RNF220: variants seen among roughly 807,000 people sequenced by gnomAD.
The protein encoded by RNF220 is E3 ubiquitin-protein ligase RNF220.
In RNF220, 7 loss-of-function variants were observed where a neutral mutation model predicts 67.1. The ratio of observed to expected loss-of-function variants is 0.10; its 90% CI spans 0.06 to 0.20. RNF220 has a LOEUF of 0.20. Among genes scored for constraint, RNF220 ranks in the 10% least tolerant of loss-of-function variants. The pLI, the probability that RNF220 is intolerant of heterozygous loss-of-function variation, is 1.00. For missense variants in RNF220, 565 were observed against 740.3 expected, an observed-to-expected ratio of 0.76 and a Z score of 2.75; for synonymous variants, 270 against 283.2, an observed-to-expected ratio of 0.95 and a Z score of 0.47.
chr1:44,592,551 C>T (rs532689691), intron 2 of RNF220, among the ~76,000 whole-genome samples: 4 of 152,310 alleles, frequency 2.6e-5, no homozygotes, highest in African/African-American at 7.2e-5. Flanking sequence ...TGGCAGCCCC[C>T]GCCCTCTGCA....
chr1:44,562,288 G>T (rs1663630486), intron 2 of RNF220, among the ~76,000 whole-genome samples: 2 of 152,174 alleles, frequency 1.3e-5, no homozygotes. Flanking sequence ...GGCACAGAAT[G>T]CCTTGTCCAG....
At chr1:44,503,855 T>C (rs114840685) in intron 2 of RNF220, among the ~76,000 whole-genome samples, 1,608 of 151,410 alleles carry the variant, frequency 0.011, 35 homozygotes, top group African/African-American at 0.038. Context: ...CCGTGGGTTG[T>C]TTTTTGTTTT....
intron 2 of RNF220, among the ~76,000 whole-genome samples, chr1:44,519,116 T>A (rs1572748905): frequency 6.6e-6 from 1 of 151,608 alleles, no homozygotes; most frequent in African/African-American, 2.4e-5. Flanking sequence ...GTTGGCTGGG[T>A]TGGGAGGGGT....
At chr1:44,463,074 C>T (rs148989963) in intron 2 of RNF220, among the ~76,000 whole-genome samples, 5,239 of 152,218 alleles carry the variant, frequency 0.034, 304 homozygotes, top group African/African-American at 0.12. Context: ...CAGTGGCTCA[C>T]GCCTGTAATC....
chr1:44,494,893 G>T (rs1435511465), intron 2 of RNF220, among the ~76,000 whole-genome samples: 1 of 152,084 alleles, frequency 6.6e-6, no homozygotes, highest in East Asian at 1.9e-4. Context: ...TCTAAGATGC[G>T]TGCCTGGGAG....
intron 2 of RNF220, among the ~76,000 whole-genome samples, chr1:44,443,855 C>T (rs1012333733): frequency 2.0e-5 from 3 of 152,196 alleles, no homozygotes; most frequent in Non-Finnish European, 4.4e-5. Flanking sequence ...CTTTGGGAGG[C>T]CGAGGCAGGC....
intron 2 of RNF220, among the ~76,000 whole-genome samples, chr1:44,611,914 C>A (rs538132381): frequency 4.3e-4 from 65 of 152,286 alleles, no homozygotes; most frequent in Non-Finnish European, 5.1e-4. Context: ...CCTCAATTGC[C>A]CTAGCTGTAA....
chr1:44,412,021 T>A lies in RNF220; in HGVS notation c.-77T>A. On this transcript the variant is annotated 5_prime_UTR_variant, in exon 2 of 15. Transcript: ENST00000361799. This position sits in a 1 kb window ranked among gnomAD's most constrained non-coding sequence, Gnocchi z 5.3. ...GATTCCCCAGTAATATTCCCTGCCC[T>A]GACCCAAAGTGCTGGTTGGCCTCCC... 2.0e-6 allele frequency: 3 copies of A among 1,515,602 alleles called. No individual in the cohort carries two copies. Among genetic ancestry groups the A allele is most frequent in the Non-Finnish European group, 2.7e-6 (3 of 1,121,198 alleles). The allele number at this position is 1,515,602 out of a possible 1,614,324, so 93.9% of individuals were successfully genotyped here.
intron 5 of RNF220, among the ~76,000 whole-genome samples, chr1:44,629,007 C>T (rs954403841): frequency 6.6e-6 from 1 of 152,216 alleles, no homozygotes; most frequent in Non-Finnish European, 1.5e-5. Flanking sequence ...TGGGCATTTC[C>T]TCACTCATGC....
intron 2 of RNF220, among the ~76,000 whole-genome samples, chr1:44,581,211 C>T (rs762986250): frequency 2.6e-5 from 4 of 152,228 alleles, no homozygotes; most frequent in Non-Finnish European, 4.4e-5. Flanking sequence ...ATTGGAAAAA[C>T]GATTTTAATA....
At chr1:44,631,918 G>T in intron 5 of RNF220, 2 of 987,228 alleles carry the variant, frequency 2.0e-6, no homozygotes, top group South Asian at 9.4e-5. Flanking sequence ...CGCCCCCGCC[G>T]CATTGTGAAC....
At chr1:44,411,944 C>G in intron 1 of RNF220, 37 bp from the exon 2 acceptor site, 6 of 782,864 alleles carry the variant, frequency 7.7e-6, no homozygotes, top group Non-Finnish European at 9.8e-6. Flanking sequence ...CCCTGACTTT[C>G]CTCCCCCTTC....
Position 44,551,119 on chromosome 1 carries a change from C to CTTTTT in RNF220, c.626-63029_626-63025dup, listed in dbSNP as rs386366846. On this transcript the variant is annotated intron_variant, in intron 2 of 14. Transcript: ENST00000361799. ...GTTTACTGTCATCTTCACTTCTTGC[C>CTTTTT]TTTTTTTTTTTTTTTTTTTTTGAGG... Among the ~76,000 whole-genome samples the CTTTTT allele has an allele frequency of 5.1e-3, 498 of 97,442 alleles. 16 individuals carry two copies. Among genetic ancestry groups the CTTTTT allele is most frequent in the Middle Eastern group, 0.035 (3 of 86 alleles). 63.9% of individuals were successfully genotyped at this position (97,442 alleles called of 152,430 possible).
intron 2 of RNF220, among the ~76,000 whole-genome samples, chr1:44,598,055 C>T (rs1666655599): frequency 6.6e-6 from 1 of 152,000 alleles, no homozygotes; most frequent in Non-Finnish European, 1.5e-5. Context: ...GCCCCCTGCC[C>T]GCCCCCTCCA....
chr1:44,510,056 G>A (rs1209951345), intron 2 of RNF220, among the ~76,000 whole-genome samples: 1 of 151,732 alleles, frequency 6.6e-6, no homozygotes, highest in Non-Finnish European at 1.5e-5. Flanking sequence ...TGAGGTACAT[G>A]GCGAGACTCT....
chr1:44,608,801 C>G (rs1208923808), intron 2 of RNF220, among the ~76,000 whole-genome samples: 1 of 152,112 alleles, frequency 6.6e-6, no homozygotes. Flanking sequence ...GGCCAGGGCA[C>G]CTACTGAGTG....
Position 44,650,281 on chromosome 1 carries a change from C to A in RNF220, c.1629+324C>A. 1 of 511,494 alleles carries A rather than the reference C, an allele frequency of 2.0e-6. No homozygotes were observed. The highest frequency in any genetic ancestry group is 3.5e-6 in the Non-Finnish European group (1 of 284,682). 31.7% of individuals were successfully genotyped at this position (511,494 alleles called of 1,614,324 possible). A position where few individuals can be genotyped will look rare whatever the true frequency, so the allele number is the denominator to read the frequency against. On this transcript the variant is annotated intron_variant, in intron 14 of 14. Transcript: ENST00000361799. This position sits in a 1 kb window ranked among gnomAD's most constrained non-coding sequence, Gnocchi z 4.3. ...TGGCTGTAGGTAAACAGGACCAGGG[C>A]CTTGGCCCCTCCCCCTCCCATTACT...
chr1:44,643,434 AC>A (rs1644543647), intron 8 of RNF220: 1 of 152,186 alleles, frequency 6.6e-6, no homozygotes, highest in South Asian at 2.1e-4. Context: ...ACATAAATGG[AC>A]CCAGATCTTC....
chr1:44,583,788 G>A (rs1037173695), intron 2 of RNF220, among the ~76,000 whole-genome samples: 2 of 152,198 alleles, frequency 1.3e-5, no homozygotes, highest in African/African-American at 4.8e-5. Context: ...TAAGGTATGT[G>A]CCTCTCATTC....
Sources: gnomAD v4.1 joint callset for allele counts (sites outside exome capture counted in the v4.1 genomes callset) on GRCh38, gnomAD v4.1.1 for gene constraint, Gnocchi (gnomAD v3.1) non-coding constraint, MANE v1.5 for transcripts, NCBI Gene and HGNC (gene_info 2026-07-23, HGNC 2026-07-21) for gene names.